The following NRXN1 variants were observed in gnomAD, a reference collection of about 807,000 sequenced individuals.
NRXN1 encodes neurexin-1.
Under a neutral mutation model 150.9 loss-of-function variants are expected in NRXN1, and 39 were observed. That is an observed-to-expected ratio of 0.26 (90% CI 0.20 to 0.34). The LOEUF (loss-of-function observed/expected upper bound fraction) is 0.34, where lower values mean the gene tolerates loss of function less well. Among genes scored for constraint, NRXN1 ranks in the 10% least tolerant of loss-of-function variants. The probability of loss-of-function intolerance (pLI) is 1.00; values close to 1 mark genes in which losing one functional copy is unlikely to be tolerated. For synonymous variants in NRXN1, 924 were observed against 757.0 expected, an observed-to-expected ratio of 1.22 and a Z score of -3.62; for missense variants, 1,815 against 1,949.9, an observed-to-expected ratio of 0.93 and a Z score of 1.30.
intron 18 of NRXN1, among the ~76,000 whole-genome samples, chr2:50,160,286 A>G (rs975267501): frequency 6.6e-5 from 10 of 152,120 alleles, no homozygotes; most frequent in Admixed American, 6.6e-4. Flanking sequence ...AACGTCTGTA[A>G]TCCCAGCACT....
chr2:50,351,020 A>G (rs1414816852), intron 17 of NRXN1, among the ~76,000 whole-genome samples: 1 of 152,190 alleles, frequency 6.6e-6, no homozygotes, highest in African/African-American at 2.4e-5. Context: ...CTCTGTCTAG[A>G]TAGTGTAGAA....
intron 8 of NRXN1, among the ~76,000 whole-genome samples, chr2:50,574,731 C>T (rs766235878): frequency 5.3e-5 from 8 of 152,158 alleles, no homozygotes; most frequent in Non-Finnish European, 1.0e-4. Context: ...GCATTGACAA[C>T]ACCATACGGT....
rs139095175 is a variant in NRXN1, at chr2:49,994,497, T to C, written c.4129-50706A>G. Among the ~76,000 whole-genome samples the C allele has an allele frequency of 1.5e-4, 23 of 152,328 alleles. No homozygotes were observed. In the East Asian group the frequency reaches 2.9e-3, roughly 19 times the overall value. On this transcript the variant is annotated intron_variant, in intron 21 of 22. Transcript: ENST00000401669. ...ATATCCAAAATAATTTATTGCATTC[T>C]ACACCCATGGATTCCTGAAGGTTAG...
At chr2:50,395,954 G>T (rs546656438) in intron 17 of NRXN1, among the ~76,000 whole-genome samples, 2 of 152,162 alleles carry the variant, frequency 1.3e-5, no homozygotes, top group Non-Finnish European at 2.9e-5. Flanking sequence ...CTGCTCTGTC[G>T]TTAGGGACTA....
intron 2 of NRXN1, among the ~76,000 whole-genome samples, chr2:50,980,331 C>A (rs1696586137): frequency 6.6e-6 from 1 of 152,016 alleles, no homozygotes; most frequent in Non-Finnish European, 1.5e-5. Flanking sequence ...ATAGTTTCTA[C>A]TTTTGTTGTA....
At chr2:50,921,803 T>C (rs1480467796) in intron 5 of NRXN1, 66 bp downstream of exon 5, 5 of 763,890 alleles carry the variant, frequency 6.5e-6, no homozygotes, top group African/African-American at 1.8e-5. Flanking sequence ...CTAAATACAT[T>C]TATGTAACTC....
At chr2:50,496,661 G>C (rs1441062180) in intron 14 of NRXN1, among the ~76,000 whole-genome samples, 4 of 152,066 alleles carry the variant, frequency 2.6e-5, no homozygotes, top group Non-Finnish European at 5.9e-5. Context: ...ACAAACCCTA[G>C]GATTGTATGT....
chr2:50,505,303 C>G (rs909207021), intron 13 of NRXN1, among the ~76,000 whole-genome samples: 1 of 152,122 alleles, frequency 6.6e-6, no homozygotes, highest in Non-Finnish European at 1.5e-5. Flanking sequence ...TTCACTTATC[C>G]TCTTCGAGTG....
rs199883029 is a variant in NRXN1 at position 49,921,808 on chromosome 2, A to G, written c.*136T>C. The stretch of plus-strand genomic sequence containing the variant: ...TGAGATACTTGTTTTTATTTTTTAA[A>G]AAGTCTTTCCTTCCTGATTGCATTC... On this transcript the variant is annotated 3_prime_UTR_variant, in exon 23 of 23. Coordinates refer to ENST00000401669, the MANE Select transcript of NRXN1 (RefSeq NM_001330078.2). 1.7e-5 allele frequency: 15 copies of G among 905,878 alleles called. No homozygotes were observed. Among genetic ancestry groups the G allele is most frequent in the African/African-American group, 1.4e-4 (8 of 59,212 alleles). 56.1% of individuals were successfully genotyped at this position (905,878 alleles called of 1,614,324 possible). A position where few individuals can be genotyped will look rare whatever the true frequency, so the allele number is the denominator to read the frequency against.
intron 5 of NRXN1, chr2:50,656,378 C>T (rs568255119): frequency 7.0e-5 from 54 of 776,874 alleles, no homozygotes; most frequent in South Asian, 6.7e-4. Context: ...ACATTTGCTT[C>T]CAGAAGTCAT....
chr2:50,163,766 T>C (rs892859261), intron 18 of NRXN1, among the ~76,000 whole-genome samples: 13 of 152,186 alleles, frequency 8.5e-5, no homozygotes, highest in African/African-American at 3.1e-4. Flanking sequence ...TTTGATCTAC[T>C]CTTGAAGTAA....
chr2:49,925,535 A>T (rs1398286129), intron 22 of NRXN1, among the ~76,000 whole-genome samples: 1 of 152,128 alleles, frequency 6.6e-6, no homozygotes, highest in African/African-American at 2.4e-5. Context: ...TTCAAAATTT[A>T]TATAAAAGGT....
intron 5 of NRXN1, among the ~76,000 whole-genome samples, chr2:50,850,225 T>C (rs1421296942): frequency 6.9e-6 from 1 of 144,182 alleles, no homozygotes; most frequent in South Asian, 2.2e-4. Context: ...AAGACCTGTC[T>C]CGACAGAAAA....
At chr2:50,275,620 T>A (rs2070338312) in intron 17 of NRXN1, among the ~76,000 whole-genome samples, 1 of 152,104 alleles carries the variant, frequency 6.6e-6, no homozygotes, top group Non-Finnish European at 1.5e-5. Flanking sequence ...TGTCTTTGTC[T>A]AACACAGTAA....
chr2:50,778,432 C>T (rs1216087481), intron 5 of NRXN1, among the ~76,000 whole-genome samples: 2 of 152,144 alleles, frequency 1.3e-5, no homozygotes, highest in Admixed American at 6.5e-5. Flanking sequence ...TGCTATCTAA[C>T]TTCAAGGAAC....
chr2:50,022,767 C>T (rs890462256), intron 21 of NRXN1: 1 of 152,178 alleles, frequency 6.6e-6, no homozygotes, highest in African/African-American at 2.4e-5. Context: ...TCCATAATTT[C>T]CTTTCACTCT....
At chr2:50,708,052 A>G (rs1694678996) in intron 5 of NRXN1, among the ~76,000 whole-genome samples, 1 of 152,186 alleles carries the variant, frequency 6.6e-6, no homozygotes, top group Non-Finnish European at 1.5e-5. Flanking sequence ...AATCTTTGAT[A>G]TATGTAGGAA....
At chr2:50,631,226 G>A (rs1189516212) in intron 5 of NRXN1, 10 of 388,108 alleles carry the variant, frequency 2.6e-5, no homozygotes, top group South Asian at 4.2e-5. Context: ...GTTCTGCAGC[G>A]AGTAATCAAG....
intron 5 of NRXN1, among the ~76,000 whole-genome samples, chr2:50,729,414 T>A (rs1297803335): frequency 6.6e-6 from 1 of 152,288 alleles, no homozygotes; most frequent in East Asian, 1.9e-4. Flanking sequence ...AGTTGTGCAG[T>A]TTCTTAAAAG....
Sources: gnomAD v4.1 joint callset for allele counts (sites outside exome capture counted in the v4.1 genomes callset) on GRCh38, gnomAD v4.1.1 for gene constraint, MANE v1.5 for transcripts, NCBI Gene and HGNC (gene_info 2026-07-23, HGNC 2026-07-21) for gene names.